Variants in ELOVL6 observed in about 807,000 individuals in gnomAD.
ELOVL6 encodes very long chain fatty acid elongase 6.
A neutral mutation model predicts 31.7 loss-of-function variants in ELOVL6; 8 were observed. That is an observed-to-expected ratio of 0.25 (90% confidence interval 0.15 to 0.45). The LOEUF (loss-of-function observed/expected upper bound fraction) is 0.45, where lower values mean the gene tolerates loss of function less well. Among genes scored for constraint, ELOVL6 ranks in the 20% least tolerant of loss-of-function variants. The probability of loss-of-function intolerance (pLI) is 1.00; values close to 1 mark genes in which losing one functional copy is unlikely to be tolerated. For synonymous variants in ELOVL6, 101 were observed against 117.7 expected (o/e 0.86, Z 0.92); for missense variants, 126 against 326.4 (o/e 0.39, Z 4.73).
chr4:110,050,336 T>C lies in ELOVL6; in HGVS notation c.*1002A>G, dbSNP rs887819028. The C allele has an allele frequency of 1.3e-5, 2 of 152,676 alleles. No homozygotes were observed. The highest frequency in any genetic ancestry group is 4.1e-4 in the South Asian group (2 of 4,824). 9.5% of individuals were successfully genotyped at this position (152,676 alleles called of 1,614,324 possible). Reference sequence around the variant, plus strand: ...AACAGGGAGGGGCATACACACCATCTGTCTGTCGAATTGATCTTCGGCTCA... The same window carrying C: ...AACAGGGAGGGGCATACACACCATCCGTCTGTCGAATTGATCTTCGGCTCA... On this transcript the variant is annotated 3_prime_UTR_variant, in exon 4 of 4. Coordinates refer to ENST00000302274, the MANE Select transcript of ELOVL6 (RefSeq NM_024090.3).
chr4:110,105,209 A>G (rs896168423), intron 2 of ELOVL6, among the ~76,000 whole-genome samples: 3 of 152,212 alleles, frequency 2.0e-5, no homozygotes, highest in Non-Finnish European at 2.9e-5. Flanking sequence ...GCCAATAACA[A>G]TAATGAATTG....
Position 110,051,356 on chromosome 4 carries a change from T to G in ELOVL6, c.780A>C (p.Lys260Asn), listed in dbSNP as rs1326700507. Residue 260 changes from lysine to asparagine, a missense_variant, in exon 4 of 4, where the codon AAA (lysine) becomes AAC (asparagine). Lys to Asn is a moderately conservative substitution (Grantham distance 94). This residue lies in a region of ELOVL6 where 57 missense variants were observed against 110.2 expected (regional missense o/e 0.52). Transcript: ENST00000302274. The surrounding 1 kb of genome is among the most constrained non-coding windows in gnomAD (Gnocchi z 4.8). ...TCCAACACTATTCAGCTTTCGTTGT[T>G]TTCCTCATTTTGCCGATGTAGGCCT... ...FFEAYIGKMR[K>N]TTKAE 8.7e-6 allele frequency: 14 copies of G among 1,614,058 alleles called. No individual in the cohort carries two copies. Among genetic ancestry groups the G allele is most frequent in the Non-Finnish European group, 1.2e-5 (14 of 1,180,008 alleles).
At chr4:110,084,318 ATAAATT>A (rs1756102143) in intron 2 of ELOVL6, among the ~76,000 whole-genome samples, 1 of 72,120 alleles carries the variant, frequency 1.4e-5, no homozygotes, top group Admixed American at 1.4e-4. Context: ...TATAACATAT[ATAAATT>A]TGATATATAT....
At position 110,051,982 on chromosome 4, in the gene ELOVL6, G is replaced by C. The variant is rs989087576; in HGVS notation, c.374-220C>G. ...CTATATAAATGGTGATAATTTAAAA[G>C]AGTAGCATGGAATCACCTGAGGATT... is the stretch of plus-strand genomic sequence containing the variant. On this transcript the variant is annotated intron_variant, in intron 3 of 3. Transcript: ENST00000302274. This position sits in a 1 kb window ranked among gnomAD's most constrained non-coding sequence, Gnocchi z 4.8. 1.3e-5 allele frequency among the ~76,000 whole-genome samples: 2 copies of C among 152,164 alleles called. No individual in the cohort carries two copies. Among genetic ancestry groups the C allele is most frequent in the African/African-American group, 4.8e-5 (2 of 41,442 alleles).
At chr4:110,176,053 GAAC>G (rs1403411589) in intron 1 of ELOVL6, among the ~76,000 whole-genome samples, 7 of 142,246 alleles carry the variant, frequency 4.9e-5, no homozygotes, top group Non-Finnish European at 7.7e-5. Flanking sequence ...AAAAAAAAAA[GAAC>G]AAGAAAGTAT....
chr4:110,089,765 GCAAGT>G (rs1756368575), intron 2 of ELOVL6, among the ~76,000 whole-genome samples: 1 of 152,172 alleles, frequency 6.6e-6, no homozygotes, highest in Non-Finnish European at 1.5e-5. Context: ...CCTCAAGATA[GCAAGT>G]CACCTATTTA....
At chr4:110,107,926 C>T (rs1756929701) in intron 1 of ELOVL6, among the ~76,000 whole-genome samples, 1 of 152,042 alleles carries the variant, frequency 6.6e-6, no homozygotes, top group Admixed American at 6.6e-5. Flanking sequence ...AATAAACAGG[C>T]TTAGAGGTAA....
chr4:110,165,344 C>T (rs936414424), intron 1 of ELOVL6, among the ~76,000 whole-genome samples: 1 of 152,140 alleles, frequency 6.6e-6, no homozygotes, highest in Non-Finnish European at 1.5e-5. Context: ...TTTTGTGGTT[C>T]CTTCCTGTCT....
At chr4:110,139,251 A>C (rs147980285) in intron 1 of ELOVL6, among the ~76,000 whole-genome samples, 224 of 152,324 alleles carry the variant, frequency 1.5e-3, no homozygotes, top group Non-Finnish European at 2.8e-3. Flanking sequence ...CATCAAATCC[A>C]AGAATGTTCT....
intron 1 of ELOVL6, among the ~76,000 whole-genome samples, chr4:110,129,193 A>G (rs1182475216): frequency 2.0e-5 from 3 of 152,198 alleles, no homozygotes; most frequent in Admixed American, 1.3e-4. Flanking sequence ...ATTTTTAAGA[A>G]TCAAATAATT....
intron 2 of ELOVL6, chr4:110,092,995 A>G: frequency 3.0e-6 from 1 of 328,792 alleles, no homozygotes; most frequent in Non-Finnish European, 6.0e-6. Context: ...ACTAACACGC[A>G]ATCTCTTCTA....
At chr4:110,100,202 G>A (rs1439873861) in intron 2 of ELOVL6, among the ~76,000 whole-genome samples, 1 of 152,164 alleles carries the variant, frequency 6.6e-6, no homozygotes, top group East Asian at 1.9e-4. Context: ...AAGGGAGCCT[G>A]GAGGAATCGT....
At chr4:110,164,128 C>A (rs1466928487) in intron 1 of ELOVL6, among the ~76,000 whole-genome samples, 1 of 152,170 alleles carries the variant, frequency 6.6e-6, no homozygotes, top group Non-Finnish European at 1.5e-5. Flanking sequence ...CATTGACACA[C>A]CTTAACTAGT....
At chr4:110,157,031 C>T (rs1377541655) in intron 1 of ELOVL6, among the ~76,000 whole-genome samples, 1 of 152,112 alleles carries the variant, frequency 6.6e-6, no homozygotes, top group African/African-American at 2.4e-5. Context: ...AATCATCATT[C>T]TGATTAATCA....
At chr4:110,172,957 GAC>G (rs1461823894) in intron 1 of ELOVL6, among the ~76,000 whole-genome samples, 3 of 152,150 alleles carry the variant, frequency 2.0e-5, no homozygotes, top group Non-Finnish European at 4.4e-5. Context: ...CAAAAGGAGA[GAC>G]ACACTGCATA....
chr4:110,185,822 C>T (rs1005754326), intron 1 of ELOVL6, among the ~76,000 whole-genome samples: 1 of 142,570 alleles, frequency 7.0e-6, no homozygotes, highest in Non-Finnish European at 1.6e-5. Flanking sequence ...CAATCAGCCA[C>T]TCCATGTATA....
intron 1 of ELOVL6, among the ~76,000 whole-genome samples, chr4:110,151,396 T>A (rs1339423666): frequency 6.6e-6 from 1 of 152,190 alleles, no homozygotes; most frequent in Admixed American, 6.6e-5. Flanking sequence ...TGTCTGGACC[T>A]ACAACTTGAG....
chr4:110,157,461 A>T (rs1273479677), intron 1 of ELOVL6, among the ~76,000 whole-genome samples: 2 of 152,274 alleles, frequency 1.3e-5, no homozygotes, highest in East Asian at 3.9e-4. Flanking sequence ...AAGTGAGGTC[A>T]GGAGTTCAAG....
chr4:110,130,132 G>A (rs1260425238), intron 1 of ELOVL6, among the ~76,000 whole-genome samples: 3 of 151,844 alleles, frequency 2.0e-5, no homozygotes, highest in Non-Finnish European at 4.4e-5. Context: ...TCTTGACCTC[G>A]TGACCCGCCC....
Sources: allele counts gnomAD v4.1 joint callset (sites outside exome capture counted in the v4.1 genomes callset), GRCh38; gene constraint gnomAD v4.1.1; regional missense constraint gnomAD v4.1.1; non-coding constraint Gnocchi (gnomAD v3.1); transcripts MANE v1.5; gene names NCBI Gene and HGNC (gene_info 2026-07-23, HGNC 2026-07-21).